The following USH1C variants were observed in gnomAD, a reference collection of about 807,000 sequenced individuals.
USH1C encodes USH1 protein network component harmonin.
USH1C carries 90 observed loss-of-function variants against 119.3 expected under a neutral mutation model. The ratio of observed to expected loss-of-function variants is 0.75; its 90% CI spans 0.64 to 0.90. The LOEUF (loss-of-function observed/expected upper bound fraction) is 0.90. Ranked by LOEUF, USH1C falls within the 40% of genes least tolerant of loss-of-function variation. The pLI is 0.00. For synonymous variants in USH1C, 465 were observed against 443.3 expected (o/e 1.05, Z -0.62); for missense variants, 1,165 against 1,167.7 (o/e 1.00, Z 0.03).
At chr11:17,501,322 C>A (rs1319596443) in intron 22 of USH1C, among the ~76,000 whole-genome samples, 160 bp downstream of exon 22, 1 of 152,130 alleles carries the variant, frequency 6.6e-6, no homozygotes, top group Admixed American at 6.5e-5. Context: ...CCTGGGTATG[C>A]GGCCCTACAA....
intron 1 of USH1C, among the ~76,000 whole-genome samples, chr11:17,542,831 G>A (rs1565076888): frequency 6.6e-6 from 1 of 152,190 alleles, no homozygotes; most frequent in Non-Finnish European, 1.5e-5. Flanking sequence ...ATGTCTCTTT[G>A]CAACAGGATG....
intron 9 of USH1C, 126 bp from the exon 10 acceptor site, chr11:17,523,604 T>G: frequency 1.1e-6 from 1 of 877,900 alleles, no homozygotes; most frequent in Non-Finnish European, 1.9e-6. Flanking sequence ...CCTCAGCTCC[T>G]CCTGATGAAT....
chr11:17,507,307 G>A (rs1176385082), intron 18 of USH1C, among the ~76,000 whole-genome samples: 1 of 152,212 alleles, frequency 6.6e-6, no homozygotes, highest in Non-Finnish European at 1.5e-5. Flanking sequence ...TGTCGCTTGT[G>A]ACATTTATAG....
chr11:17,502,840 G>A (rs968936217), intron 20 of USH1C, among the ~76,000 whole-genome samples: 5 of 152,190 alleles, frequency 3.3e-5, no homozygotes, highest in African/African-American at 1.2e-4. Flanking sequence ...CTAAGCACAA[G>A]GGCAGCAGAG....
rs561690448 is a variant in USH1C at position 17,503,968 on chromosome 11, G to A, written c.2184+679C>T. 2.6e-5 allele frequency among the ~76,000 whole-genome samples: 4 copies of A among 152,344 alleles called. No homozygotes were observed. In the South Asian group the frequency reaches 6.2e-4, roughly 24 times the overall value. ...CTTGTGGTCTGTTGGTGGGTTATCAGTGAGGAGGCTGGAGAAGCCTGGGCT... is the reference window on the plus strand; with the variant it reads ...CTTGTGGTCTGTTGGTGGGTTATCAATGAGGAGGCTGGAGAAGCCTGGGCT... On this transcript the variant is annotated intron_variant, in intron 20 of 26. Coordinates refer to ENST00000005226, the MANE Select transcript of USH1C (RefSeq NM_153676.4).
At chr11:17,534,127 G>A (rs1382763239) in intron 1 of USH1C, among the ~76,000 whole-genome samples, 1 of 152,246 alleles carries the variant, frequency 6.6e-6, no homozygotes, top group Non-Finnish European at 1.5e-5. Context: ...GCCCAAGAAC[G>A]GGTAACAGAG....
intron 26 of USH1C, chr11:17,494,879 G>C (rs1849190280): frequency 8.2e-6 from 2 of 244,416 alleles, no homozygotes; most frequent in Admixed American, 5.0e-5. Context: ...CACAGGGTGA[G>C]AAACACATCC....
Position 17,494,365 on chromosome 11 carries a change from CAGA to C in USH1C, c.2664_2666del (p.Leu889del), listed in dbSNP as rs1474458620. 1.0e-5 allele frequency: 16 copies of C among 1,602,964 alleles called. No individual in the cohort carries two copies. Among genetic ancestry groups the C allele is most frequent in the Non-Finnish European group, 1.3e-5 (15 of 1,174,326 alleles). ...GAATTTGGTTTCCCCTTTTGGACTT[CAGA>C]AGAAGGTCCTGCAGGGAAGTGGAAA... On this transcript the variant is annotated inframe_deletion, in exon 27 of 27. Coordinates refer to ENST00000005226, the MANE Select transcript of USH1C (RefSeq NM_153676.4).
chr11:17,526,924 C>T, intron 6 of USH1C, 92 bp downstream of exon 6: 1 of 1,572,798 alleles, frequency 6.4e-7, no homozygotes. Flanking sequence ...GGCCCAGAAG[C>T]AGGGCTGGCA....
intron 20 of USH1C, among the ~76,000 whole-genome samples, chr11:17,503,618 CG>C (rs1849529738): frequency 6.6e-6 from 1 of 152,192 alleles, no homozygotes; most frequent in African/African-American, 2.4e-5. Flanking sequence ...TGCCCTAAAC[CG>C]CCAGGTCCTG....
rs754015985 is a variant in USH1C at position 17,496,782 on chromosome 11, G to T, written c.2522C>A (p.Pro841His). ...DWIDLVVAVC[P>H]PKEYDDELAS... is the part of the protein sequence containing the mutation. ...CAGCTCATCGTCATACTCCTTTGGG[G>T]GGCAGACGGCAACCACAAGGTCGAT... is the stretch of plus-strand genomic sequence containing the variant. The change falls in exon 25 of 27, where the codon CCC (proline) becomes CAC (histidine). Residue 841 changes from proline to histidine, a missense_variant. Pro to His is a moderately conservative substitution (Grantham distance 77). Transcript: ENST00000005226. 6.2e-7 allele frequency: 1 copy of T among 1,614,202 alleles called. No homozygotes were observed. Among genetic ancestry groups the T allele is most frequent in the Admixed American group, 1.7e-5 (1 of 60,028 alleles).
At chr11:17,536,697 C>T (rs1851244266) in intron 1 of USH1C, among the ~76,000 whole-genome samples, 1 of 152,218 alleles carries the variant, frequency 6.6e-6, no homozygotes, top group Non-Finnish European at 1.5e-5. Context: ...TGCCATTGCT[C>T]GCTTCACCAC....
intron 2 of USH1C, 64 bp downstream of exon 2, chr11:17,533,191 C>T (rs1017481482): frequency 7.6e-7 from 1 of 1,313,238 alleles, no homozygotes; most frequent in Non-Finnish European, 1.1e-6. Context: ...AACAACCCAT[C>T]CCAGGGCTCC....
chr11:17,498,993 G>T (rs1350827861), intron 23 of USH1C, among the ~76,000 whole-genome samples: 1 of 152,196 alleles, frequency 6.6e-6, no homozygotes, highest in African/African-American at 2.4e-5. Context: ...CTGTAATAAG[G>T]TGCTCCTGAA....
intron 1 of USH1C, among the ~76,000 whole-genome samples, chr11:17,543,068 C>T (rs749642673): frequency 1.3e-4 from 20 of 152,228 alleles, no homozygotes; most frequent in Non-Finnish European, 2.6e-4. Context: ...CTGCCTCCCA[C>T]CTACACCACC....
Position 17,498,280 on chromosome 11 carries a change from A to T in USH1C, c.2381-9T>A, listed in dbSNP as rs762385873. The T allele has an allele frequency of 4.3e-6, 7 of 1,613,866 alleles. No individual in the cohort carries two copies. The African/African-American group carries it at 9.3e-5, about 22-fold the overall frequency. On this transcript the variant is annotated splice_polypyrimidine_tract_variant and intron_variant, in intron 23 of 26. Coordinates refer to ENST00000005226, the MANE Select transcript of USH1C (RefSeq NM_153676.4). ...CCCTTTCACAATGCCACCTGCAGGC[A>T]GATGAGGCTGATTGGCCAACTGGGC...
intron 12 of USH1C, 64 bp from the exon 13 acceptor site, chr11:17,521,475 G>A: frequency 6.5e-7 from 1 of 1,535,952 alleles, no homozygotes. Flanking sequence ...CTTCCTTACT[G>A]TGAATTCTTG....
Position 17,512,069 on chromosome 11 carries a change from C to T in USH1C, c.1261-15G>A. The T allele has an allele frequency of 6.2e-7, 1 of 1,613,924 alleles. No homozygotes were observed. The highest frequency in any genetic ancestry group is 2.2e-5 in the East Asian group (1 of 44,894). On this transcript the variant is annotated splice_polypyrimidine_tract_variant and intron_variant, in intron 15 of 26. Transcript: ENST00000005226. ...TCTTTTCCTTTCTGAGTAGATGTGG[C>T]ATTGTTTATATGACAAAGGTTAGAA...
At chr11:17,535,636 T>A (rs1281514364) in intron 1 of USH1C, among the ~76,000 whole-genome samples, 1 of 152,164 alleles carries the variant, frequency 6.6e-6, no homozygotes, top group African/African-American at 2.4e-5. Context: ...TTTATCTGCC[T>A]GCCTCCTGGT....
Sources: allele counts gnomAD v4.1 joint callset (sites outside exome capture counted in the v4.1 genomes callset), GRCh38; gene constraint gnomAD v4.1.1; transcripts MANE v1.5; gene names NCBI Gene and HGNC (gene_info 2026-07-23, HGNC 2026-07-21).